The following CDCA7L variants were observed in gnomAD, a reference collection of about 807,000 sequenced individuals.
CDCA7L encodes the protein cell division cycle-associated 7-like protein.
CDCA7L carries 44 observed loss-of-function variants against 57.4 expected under a neutral mutation model. That is an observed-to-expected ratio of 0.77 (90% CI 0.60 to 0.98). The LOEUF is 0.98. CDCA7L is among the 50% of genes least tolerant of loss of function. The probability of loss-of-function intolerance (pLI) is 0.00; values close to 1 mark genes in which losing one functional copy is unlikely to be tolerated. For missense variants in CDCA7L, 644 were observed against 580.6 expected (o/e 1.11, Z -1.12); for synonymous variants, 236 against 202.8 (o/e 1.16, Z -1.39).
intron 3 of CDCA7L, among the ~76,000 whole-genome samples, chr7:21,909,937 A>AAGAT (rs796481351): frequency 1.2e-4 from 18 of 152,302 alleles, no homozygotes; most frequent in African/African-American, 4.3e-4. Context: ...ATTATCAAGA[A>AAGAT]AGATAGGTTC....
At chr7:21,918,223 T>A (rs919674675) in intron 1 of CDCA7L, among the ~76,000 whole-genome samples, 1 of 152,226 alleles carries the variant, frequency 6.6e-6, no homozygotes, top group Non-Finnish European at 1.5e-5. Context: ...CTTTCAAAGA[T>A]ATTTCAAAAG....
At chr7:21,910,384 C>CA (rs558031892) in intron 3 of CDCA7L, among the ~76,000 whole-genome samples, 142 of 152,238 alleles carry the variant, frequency 9.3e-4, no homozygotes, top group African/African-American at 3.0e-3. Flanking sequence ...CTACTCATAG[C>CA]AAAAAATCAC....
At position 21,902,273 on chromosome 7, in the gene CDCA7L, C is replaced by G; in HGVS notation, c.*49G>C. ...TCTTAGGCACCAATGGTATGCATGT[C>G]TTGTTGGAGTACTCTATGGTGAGGT... On this transcript the variant is annotated 3_prime_UTR_variant, in exon 10 of 10. Transcript: ENST00000406877. 5 of 1,544,374 alleles carry G rather than the reference C, an allele frequency of 3.2e-6. No individual in the cohort carries two copies. Among genetic ancestry groups the G allele is most frequent in the Non-Finnish European group, 4.5e-6 (5 of 1,117,316 alleles).
chr7:21,933,705 G>A (rs904122918), intron 1 of CDCA7L, among the ~76,000 whole-genome samples: 1 of 151,976 alleles, frequency 6.6e-6, no homozygotes, highest in Non-Finnish European at 1.5e-5. Flanking sequence ...TAATGTAGAC[G>A]ACGGGTTAAT....
Position 21,906,517 on chromosome 7 carries a change from G to A in CDCA7L, c.753+51C>T, listed in dbSNP as rs368726304. The A allele has an allele frequency of 5.0e-6, 8 of 1,612,116 alleles. No homozygotes were observed. The African/African-American group carries it at 6.7e-5, about 13-fold the overall frequency. On this transcript the variant is annotated intron_variant, in intron 5 of 9. Transcript: ENST00000406877. The stretch of plus-strand genomic sequence containing the variant: ...CTCTCTCGAATAAAAGCCGTCTGGT[G>A]GCTGATCACCATATATCAGTATTGG...
rs759644499 is a variant in CDCA7L, at chr7:21,901,092, A to G, written c.*1230T>C. 6.2e-7 allele frequency: 1 copy of G among 1,613,940 alleles called. No individual in the cohort carries two copies. The highest frequency in any genetic ancestry group is 8.5e-7 in the Non-Finnish European group (1 of 1,179,850). ...GCCCTATGCCGGTCATCTTTGCAAAAGCCACCCCCGTGGACAGACAAGAAA... is the reference window on the plus strand; with the variant it reads ...GCCCTATGCCGGTCATCTTTGCAAAGGCCACCCCCGTGGACAGACAAGAAA... On this transcript the variant is annotated 3_prime_UTR_variant, in exon 10 of 10. Coordinates refer to ENST00000406877, the MANE Select transcript of CDCA7L (RefSeq NM_018719.5).
At chr7:21,933,522 C>A (rs762728506) in intron 1 of CDCA7L, among the ~76,000 whole-genome samples, 2 of 152,008 alleles carry the variant, frequency 1.3e-5, no homozygotes, top group African/African-American at 4.8e-5. Context: ...AAGCAGGAAA[C>A]CAGCTAAATT....
rs149423897 is a variant in CDCA7L at position 21,926,521 on chromosome 7, C to A, written c.25-9627G>T. ...TTCTCCAAGGAAGCTATACAAATGA[C>A]AAACAAGTACATAAAAATACACACA... On this transcript the variant is annotated intron_variant, in intron 1 of 9. Coordinates refer to ENST00000406877, the MANE Select transcript of CDCA7L (RefSeq NM_018719.5). 3.3e-3 allele frequency among the ~76,000 whole-genome samples: 499 copies of A among 152,188 alleles called. 2 individuals carry two copies. Among genetic ancestry groups the A allele is most frequent in the African/African-American group, 0.011 (470 of 41,524 alleles).
chr7:21,911,214 G>A (rs1419009058), intron 3 of CDCA7L, among the ~76,000 whole-genome samples: 1 of 151,518 alleles, frequency 6.6e-6, no homozygotes, highest in Middle Eastern at 3.2e-3. Context: ...ATTTTGAGGA[G>A]AGATGGGGTT....
chr7:21,940,068 C>T (rs1786292848), intron 1 of CDCA7L, among the ~76,000 whole-genome samples: 3 of 151,754 alleles, frequency 2.0e-5, no homozygotes, highest in South Asian at 2.1e-4. Flanking sequence ...AGAACCTGGG[C>T]TGATAGAGCT....
At chr7:21,922,820 A>G (rs1420609741) in intron 1 of CDCA7L, among the ~76,000 whole-genome samples, 2 of 152,206 alleles carry the variant, frequency 1.3e-5, no homozygotes, top group Non-Finnish European at 2.9e-5. Flanking sequence ...ATATAATTGA[A>G]TATTATTCAA....
intron 1 of CDCA7L, among the ~76,000 whole-genome samples, chr7:21,943,588 C>G (rs1043475983): frequency 2.6e-5 from 4 of 152,230 alleles, no homozygotes; most frequent in African/African-American, 9.6e-5. Context: ...CCGCAGTCAC[C>G]TGCCCACCCC....
chr7:21,901,042 G>A lies in CDCA7L; in HGVS notation c.*1280C>T. 6.2e-7 allele frequency: 1 copy of A among 1,612,364 alleles called. No individual in the cohort carries two copies. Among genetic ancestry groups the A allele is most frequent in the African/African-American group, 1.3e-5 (1 of 74,990 alleles). On this transcript the variant is annotated 3_prime_UTR_variant, in exon 10 of 10. Coordinates refer to ENST00000406877, the MANE Select transcript of CDCA7L (RefSeq NM_018719.5). ...GGACACCCAAGCAGGAACCATTGTTGAAGCCCGTCTCAAGGAGCTGGCATG... is the reference window on the plus strand; with the variant it reads ...GGACACCCAAGCAGGAACCATTGTTAAAGCCCGTCTCAAGGAGCTGGCATG...
At chr7:21,937,007 C>T (rs558332745) in intron 1 of CDCA7L, among the ~76,000 whole-genome samples, 1 of 152,220 alleles carries the variant, frequency 6.6e-6, no homozygotes, top group East Asian at 1.9e-4. Flanking sequence ...TACACACTAA[C>T]AATGAACAAT....
chr7:21,936,746 G>A (rs1312622828), intron 1 of CDCA7L, among the ~76,000 whole-genome samples: 2 of 152,148 alleles, frequency 1.3e-5, no homozygotes, highest in Non-Finnish European at 2.9e-5. Context: ...TTTCCCCTAA[G>A]ATCAGGAGCT....
Position 21,945,700 on chromosome 7 carries a change from C to T in CDCA7L, c.24+81G>A, listed in dbSNP as rs1404959589. The stretch of plus-strand genomic sequence containing the variant: ...CCGCAGCCAAGGGCCACGTTTCCAG[C>T]CCAAGGCCAGCAGGACCGGGTGGCA... On this transcript the variant is annotated intron_variant, in intron 1 of 9. Transcript: ENST00000406877. 14 of 1,562,216 alleles carry T rather than the reference C, an allele frequency of 9.0e-6. No individual in the cohort carries two copies. In the Admixed American group the frequency reaches 2.3e-4, roughly 25 times the overall value.
chr7:21,903,131 A>G lies in CDCA7L; in HGVS notation c.1198-17T>C. The G allele has an allele frequency of 6.2e-7, 1 of 1,610,034 alleles. No homozygotes were observed. The highest frequency in any genetic ancestry group is 8.5e-7 in the Non-Finnish European group (1 of 1,178,398). Reference sequence around the variant, plus strand: ...CACCCAATCCTAACAGAGAGATGACAGCAGACACTTCGCTCATTATCTACA... The same window carrying G: ...CACCCAATCCTAACAGAGAGATGACGGCAGACACTTCGCTCATTATCTACA... On this transcript the variant is annotated splice_polypyrimidine_tract_variant and intron_variant, in intron 8 of 9. Coordinates refer to ENST00000406877, the MANE Select transcript of CDCA7L (RefSeq NM_018719.5).
At chr7:21,931,235 C>G (rs138594667) in intron 1 of CDCA7L, among the ~76,000 whole-genome samples, 71 of 152,108 alleles carry the variant, frequency 4.7e-4, no homozygotes, top group African/African-American at 1.4e-3. Context: ...TAAAACTATT[C>G]CAAACAACAG....
chr7:21,944,683 T>G (rs866042645), intron 1 of CDCA7L: 81 of 152,234 alleles, frequency 5.3e-4, no homozygotes, highest in African/African-American at 1.9e-3. Flanking sequence ...CTACCGTTAG[T>G]GGCTCAGTCT....
Sources: gnomAD v4.1 joint callset for allele counts (sites outside exome capture counted in the v4.1 genomes callset) on GRCh38, gnomAD v4.1.1 for gene constraint, MANE v1.5 for transcripts, NCBI Gene and HGNC (gene_info 2026-07-23, HGNC 2026-07-21) for gene names.